Variants in SLC39A12 observed in about 807,000 individuals in gnomAD.
SLC39A12 encodes zinc transporter ZIP12.
A neutral mutation model predicts 71.1 loss-of-function variants in SLC39A12; 63 were observed. The observed-to-expected ratio is 0.89, with a 90% confidence interval of 0.72 to 1.09. The LOEUF (loss-of-function observed/expected upper bound fraction) is 1.09. SLC39A12 is among the 50% of genes least tolerant of loss of function. The probability of loss-of-function intolerance (pLI) is 0.00; values close to 1 mark genes in which losing one functional copy is unlikely to be tolerated. For synonymous variants in SLC39A12, 351 were observed against 301.3 expected (o/e 1.16, Z -1.71); for missense variants, 892 against 812.6 (o/e 1.10, Z -1.19).
rs934400497 is a variant in SLC39A12 at position 17,961,678 on chromosome 10, A to G, written c.359A>G (p.Tyr120Cys). Residue 120 changes from tyrosine (Y) to cysteine (C), a missense_variant, in exon 3 of 13, where the codon TAT becomes TGT. Transcript: ENST00000377369. ...VVQRVSLLLL[Y>C]YIIHQEEICS... ...CAGAGAGTTTCTCTTCTCCTTCTCT[A>G]TTACATTATTCATCAGGAAGAGATC... The G allele has an allele frequency of 6.2e-7, 1 of 1,614,014 alleles. No individual in the cohort carries two copies. The highest frequency in any genetic ancestry group is 8.5e-7 in the Non-Finnish European group (1 of 1,179,898).
intron 12 of SLC39A12, among the ~76,000 whole-genome samples, chr10:18,026,149 C>G (rs770161429): frequency 2.0e-5 from 3 of 152,042 alleles, no homozygotes; most frequent in Non-Finnish European, 4.4e-5. Context: ...TTCTCAAGTG[C>G]TCTTCTTTTT....
At chr10:17,993,390 C>A in intron 9 of SLC39A12, 99 bp downstream of exon 9, 1 of 838,912 alleles carries the variant, frequency 1.2e-6, no homozygotes. Context: ...AAACAGATTT[C>A]ATACTCCTGA....
At chr10:17,956,134 G>T (rs1329697562) in intron 2 of SLC39A12, among the ~76,000 whole-genome samples, 1 of 152,146 alleles carries the variant, frequency 6.6e-6, no homozygotes, top group Non-Finnish European at 1.5e-5. Flanking sequence ...GTGCCCCTGA[G>T]GGAGATATCT....
intron 4 of SLC39A12, among the ~76,000 whole-genome samples, chr10:17,971,413 T>C (rs1174301462): frequency 6.6e-6 from 1 of 151,756 alleles, no homozygotes; most frequent in Non-Finnish European, 1.5e-5. Flanking sequence ...AGAATTGGTA[T>C]TAGTGCTTCT....
intron 10 of SLC39A12, 126 bp from the exon 11 acceptor site, chr10:18,000,541 A>G: frequency 2.3e-6 from 2 of 867,988 alleles, no homozygotes; most frequent in Non-Finnish European, 3.6e-6. Flanking sequence ...AAACAAAGTG[A>G]TGTTATTTAA....
chr10:17,953,651 T>C (rs551559925), intron 2 of SLC39A12, 114 bp downstream of exon 2: 26 of 1,213,192 alleles, frequency 2.1e-5, no homozygotes, highest in African/African-American at 4.6e-5. Context: ...CAATATGCAA[T>C]TGAGCAATGC....
intron 4 of SLC39A12, 90 bp from the exon 5 acceptor site, chr10:17,977,812 A>C: frequency 1.1e-6 from 1 of 948,966 alleles, no homozygotes; most frequent in Non-Finnish European, 1.5e-6. Context: ...ATTCTTTGTA[A>C]GGGAATATCT....
At chr10:17,961,291 C>G (rs1459941006) in intron 2 of SLC39A12, among the ~76,000 whole-genome samples, 1 of 152,076 alleles carries the variant, frequency 6.6e-6, no homozygotes, top group Non-Finnish European at 1.5e-5. Context: ...TGCAAATGGG[C>G]ATCACTTTAA....
chr10:17,955,709 A>G (rs994613431), intron 2 of SLC39A12, among the ~76,000 whole-genome samples: 3 of 152,206 alleles, frequency 2.0e-5, no homozygotes, highest in African/African-American at 7.2e-5. Context: ...ACGTCTGTAT[A>G]AAAAGTGAAT....
chr10:18,033,519 T>C (rs1410770475), intron 12 of SLC39A12, among the ~76,000 whole-genome samples: 3 of 146,488 alleles, frequency 2.0e-5, no homozygotes, highest in Non-Finnish European at 4.5e-5. Context: ...TTTTTTATTG[T>C]GTCTATTTGA....
chr10:18,006,092 G>A (rs186883654), intron 12 of SLC39A12, among the ~76,000 whole-genome samples: 1 of 152,296 alleles, frequency 6.6e-6, no homozygotes, highest in East Asian at 1.9e-4. Flanking sequence ...AGGGGTAAAG[G>A]GGAACACTAG....
At chr10:17,962,550 G>T (rs920315377) in intron 3 of SLC39A12, among the ~76,000 whole-genome samples, 12 of 142,634 alleles carry the variant, frequency 8.4e-5, no homozygotes, top group South Asian at 2.2e-4. Context: ...TAAGCCACGG[G>T]TTTTTTTTTT....
intron 12 of SLC39A12, among the ~76,000 whole-genome samples, chr10:18,037,945 G>A (rs1490195218): frequency 1.4e-5 from 2 of 142,504 alleles, no homozygotes; most frequent in African/African-American, 2.7e-5. Flanking sequence ...GTTTGAACCC[G>A]GGAGGTGGAG....
intron 2 of SLC39A12, among the ~76,000 whole-genome samples, chr10:17,955,031 A>G (rs973341357): frequency 4.6e-5 from 7 of 152,228 alleles, no homozygotes; most frequent in African/African-American, 1.7e-4. Flanking sequence ...GCAACACAAG[A>G]TGTCCCACTG....
At chr10:17,979,703 A>G (rs1462003403) in intron 5 of SLC39A12, among the ~76,000 whole-genome samples, 2 of 152,186 alleles carry the variant, frequency 1.3e-5, no homozygotes, top group African/African-American at 4.8e-5. Context: ...CCAATCCCTT[A>G]CTGAGAAATG....
At chr10:17,982,279 G>T (rs11592022) in intron 6 of SLC39A12, among the ~76,000 whole-genome samples, 5 of 151,964 alleles carry the variant, frequency 3.3e-5, no homozygotes, top group Non-Finnish European at 7.4e-5. Flanking sequence ...GAACTGTAAG[G>T]TTCAAATGGG....
At chr10:17,953,675 A>G in intron 2 of SLC39A12, 138 bp downstream of exon 2, 1 of 1,088,276 alleles carries the variant, frequency 9.2e-7, no homozygotes, top group Non-Finnish European at 1.3e-6. Context: ...CTGGTAAAAT[A>G]ATTTCCATAT....
At chr10:17,998,747 C>T (rs761255668) in intron 10 of SLC39A12, among the ~76,000 whole-genome samples, 13 of 152,180 alleles carry the variant, frequency 8.5e-5, no homozygotes, top group Non-Finnish European at 1.0e-4. Flanking sequence ...ATCTCCTAGA[C>T]GGTAATTTGG....
chr10:18,001,078 A>G (rs755126388), intron 11 of SLC39A12, among the ~76,000 whole-genome samples: 5 of 152,242 alleles, frequency 3.3e-5, no homozygotes, highest in Non-Finnish European at 7.3e-5. Flanking sequence ...AGAGAATTCC[A>G]TATGGGAGAC....
Sources: allele counts gnomAD v4.1 joint callset (sites outside exome capture counted in the v4.1 genomes callset), GRCh38; gene constraint gnomAD v4.1.1; transcripts MANE v1.5; gene names NCBI Gene and HGNC (gene_info 2026-07-23, HGNC 2026-07-21).